Variants in KDM5B observed in about 807,000 individuals in gnomAD.
The protein encoded by KDM5B is lysine-specific demethylase 5B.
Under a neutral mutation model 193.4 loss-of-function variants are expected in KDM5B, and 144 were observed. That is an observed-to-expected ratio of 0.74 (90% CI 0.65 to 0.86). KDM5B has a LOEUF of 0.86. KDM5B is among the 40% of genes least tolerant of loss of function. The pLI, the probability that KDM5B is intolerant of heterozygous loss-of-function variation, is 0.00. For synonymous variants in KDM5B, 668 were observed against 682.6 expected, an observed-to-expected ratio of 0.98 and a Z score of 0.33; for missense variants, 1,833 against 1,886.9, an observed-to-expected ratio of 0.97 and a Z score of 0.53.
Position 202,749,073 on chromosome 1 carries a change from C to A in KDM5B, c.1888G>T (p.Asp630Tyr). 1 of 1,614,130 alleles carries A rather than the reference C, an allele frequency of 6.2e-7. No individual in the cohort carries two copies. Among genetic ancestry groups the A allele is most frequent in the Non-Finnish European group, 8.5e-7 (1 of 1,180,004 alleles). The change falls in exon 14 of 27, where the codon GAT (aspartate) becomes TAT (tyrosine). Residue 630 changes from aspartate (D) to tyrosine (Y), a missense_variant. By Grantham distance (160) the Asp-to-Tyr change is radical (BLOSUM62 -3). This residue lies in a region of KDM5B where 1,379 missense variants were observed against 1,349.6 expected (regional missense o/e 1.02). Transcript: ENST00000367265. ...GAAGCCATCTTGCAGATCATCTCAT[C>A]GTGGGAAAACACACAATATCGATGA... The part of the protein sequence containing the change: ...LLHRYCVFSH[D>Y]EMICKMASKA...
chr1:202,807,247 G>C (rs1658334280), intron 1 of KDM5B: 1 of 152,194 alleles, frequency 6.6e-6, no homozygotes, highest in South Asian at 2.1e-4. Context: ...CACCAGCACA[G>C]CCCAGGCCTC....
chr1:202,746,257 A>G lies in KDM5B; in HGVS notation c.2083T>C (p.Cys695Arg). The part of the protein sequence containing the change: ...LPDDERQCVK[C>R]KTTCFMSAIS... Reference sequence around the variant, plus strand: ...GCAGACATGAAGCATGTAGTTTTGCATTTTACACACTGACGTTCATCATCT... The same window carrying G: ...GCAGACATGAAGCATGTAGTTTTGCGTTTTACACACTGACGTTCATCATCT... Residue 695 changes from cysteine (C) to arginine (R), a missense_variant, in exon 15 of 27, where the codon TGC (cysteine) becomes CGC (arginine). Cys to Arg is a radical substitution (Grantham distance 180). Around this residue, in one of 3 missense-constraint regions of KDM5B, gnomAD observed 1,379 missense variants for 1,349.6 expected, o/e 1.02. Coordinates refer to ENST00000367265, the MANE Select transcript of KDM5B (RefSeq NM_006618.5). 1 of 1,613,732 alleles carries G rather than the reference A, an allele frequency of 6.2e-7. No homozygotes were observed.
intron 3 of KDM5B, 110 bp from the exon 4 acceptor site, chr1:202,773,398 T>C: frequency 4.8e-6 from 4 of 828,266 alleles, no homozygotes; most frequent in Admixed American, 2.5e-5. Context: ...TTTAAAAACA[T>C]GTTTTGCCAA....
In KDM5B at chr1:202,775,873, A is replaced by AT. The variant is rs1378977083; in HGVS notation, c.283-1139_283-1138insA. On this transcript the variant is annotated intron_variant, in intron 2 of 26. Coordinates refer to ENST00000367265, the MANE Select transcript of KDM5B (RefSeq NM_006618.5). The stretch of plus-strand genomic sequence containing the variant: ...TCTTGTCTCAAAAAAAAAAAAAAAA[A>AT]AAAAAAATATATATATATATATATA... Among the ~76,000 whole-genome samples, 432 of 127,584 alleles carry AT rather than the reference A, an allele frequency of 3.4e-3. 1 individual carries two copies. The highest frequency in any genetic ancestry group is 0.012 in the African/African-American group (420 of 34,844). 83.7% of individuals were successfully genotyped at this position (127,584 alleles called of 152,430 possible). A position where few individuals can be genotyped will look rare whatever the true frequency, so the allele number is the denominator to read the frequency against.
intron 13 of KDM5B, among the ~76,000 whole-genome samples, chr1:202,749,752 A>G (rs1229690431): frequency 6.6e-6 from 1 of 152,122 alleles, no homozygotes; most frequent in Non-Finnish European, 1.5e-5. Flanking sequence ...ATGACCTTAT[A>G]TATTTCCTGA....
At chr1:202,766,869 A>G in intron 5 of KDM5B, 57 bp downstream of exon 5, 1 of 1,500,528 alleles carries the variant, frequency 6.7e-7, no homozygotes, top group Non-Finnish European at 8.9e-7. Flanking sequence ...AGTGCCAGAC[A>G]GCCATTGGTA....
At chr1:202,762,560 T>C in intron 7 of KDM5B, 139 bp downstream of exon 7, 1 of 651,384 alleles carries the variant, frequency 1.5e-6, no homozygotes, top group Non-Finnish European at 2.8e-6. Context: ...TCAGAAGATA[T>C]TTTTATTGTC....
intron 4 of KDM5B, among the ~76,000 whole-genome samples, chr1:202,767,737 T>C (rs1221937477): frequency 6.6e-6 from 1 of 152,170 alleles, no homozygotes; most frequent in Non-Finnish European, 1.5e-5. Flanking sequence ...GCTTTGATTT[T>C]TCATTGCTGA....
intron 12 of KDM5B, 27 bp downstream of exon 12, chr1:202,752,878 T>C: frequency 6.3e-7 from 1 of 1,585,878 alleles, no homozygotes; most frequent in Non-Finnish European, 8.6e-7. Context: ...TAAGCTTGAG[T>C]GGCAGGAGGA....
intron 1 of KDM5B, among the ~76,000 whole-genome samples, chr1:202,807,557 C>T (rs1051947210): frequency 1.3e-5 from 2 of 152,020 alleles, no homozygotes; most frequent in African/African-American, 4.8e-5. Flanking sequence ...AGGGCCGCTC[C>T]GGGCCGACGC....
intron 25 of KDM5B, 105 bp from the exon 26 acceptor site, chr1:202,730,132 A>C: frequency 1.0e-6 from 1 of 998,866 alleles, no homozygotes; most frequent in East Asian, 2.6e-5. Context: ...TGATCCCCCA[A>C]TCTACACGGG....
At chr1:202,767,258 C>G in intron 4 of KDM5B, 198 bp from the exon 5 acceptor site, 1 of 1,600,284 alleles carries the variant, frequency 6.2e-7, no homozygotes, top group Non-Finnish European at 8.6e-7. Flanking sequence ...TGTCTTACTA[C>G]AAGGAAGGGT....
Position 202,791,706 on chromosome 1 carries a change from T to C in KDM5B, c.205-14612A>G, listed in dbSNP as rs375912032. ...TCTTTCTCACCAGTCAATTATGAGT[T>C]CCTTTATTTATTTTTTAAATTTATT... On this transcript the variant is annotated intron_variant, in intron 1 of 26. Coordinates refer to ENST00000367265, the MANE Select transcript of KDM5B (RefSeq NM_006618.5). 1.1e-4 allele frequency among the ~76,000 whole-genome samples: 17 copies of C among 152,280 alleles called. 1 individual carries two copies. The highest frequency in any genetic ancestry group is 6.5e-4 in the Admixed American group (10 of 15,270).
At position 202,764,083 on chromosome 1, in the gene KDM5B, A is replaced by G; in HGVS notation, c.774T>C (p.Arg258=). 1.3e-6 allele frequency: 2 copies of G among 1,584,798 alleles called. No homozygotes were observed. The highest frequency in any genetic ancestry group is 1.7e-6 in the Non-Finnish European group (2 of 1,167,580). The change falls in exon 6 of 27, where the codon CGT becomes CGC. Residue 258 remains arginine (R), a synonymous_variant. Transcript: ENST00000367265. Reference sequence around the variant, plus strand: ...ATTTTGGAGTTGGACAACCCATTCGACGTCTCAGATTATGAGTTCTGGCTT... The same window carrying G: ...ATTTTGGAGTTGGACAACCCATTCGGCGTCTCAGATTATGAGTTCTGGCTT... The part of the protein sequence containing the change: ...TTEARTHNLR[R]RMGCPTPKCE...
intron 4 of KDM5B, among the ~76,000 whole-genome samples, chr1:202,771,398 A>T (rs1329737573): frequency 2.9e-5 from 4 of 139,732 alleles, no homozygotes; most frequent in Admixed American, 1.5e-4. Flanking sequence ...CATCCAGCTA[A>T]TTTTTTTTTT....
At chr1:202,743,439 T>C (rs1046632662) in intron 16 of KDM5B, among the ~76,000 whole-genome samples, 3 of 152,142 alleles carry the variant, frequency 2.0e-5, no homozygotes, top group Non-Finnish European at 4.4e-5. Context: ...TAAATCTTAT[T>C]GTGGCTTGAA....
At chr1:202,779,258 C>T (rs1487937604) in intron 1 of KDM5B, among the ~76,000 whole-genome samples, 5 of 152,060 alleles carry the variant, frequency 3.3e-5, no homozygotes, top group Non-Finnish European at 5.9e-5. Context: ...CGGTGACTCA[C>T]GCCTGTAATC....
Position 202,802,508 on chromosome 1 carries a change from T to C in KDM5B, c.204+5594A>G, listed in dbSNP as rs567852791. Among the ~76,000 whole-genome samples, 3 of 152,270 alleles carry C rather than the reference T, an allele frequency of 2.0e-5. No homozygotes were observed. The East Asian group carries it at 5.8e-4, about 29-fold the overall frequency. On this transcript the variant is annotated intron_variant, in intron 1 of 26. Transcript: ENST00000367265. ...CCTGGGTTCAAGCAATTCTCCTGCC[T>C]CAGCCTCCCGAGTAGCTGGGATTGC... is the stretch of plus-strand genomic sequence containing the variant.
chr1:202,757,165 GT>G (rs1311684108), intron 9 of KDM5B, among the ~76,000 whole-genome samples: 4 of 152,112 alleles, frequency 2.6e-5, no homozygotes, highest in Non-Finnish European at 5.9e-5. Context: ...TCACAATAGG[GT>G]TTGCCCTCCT....
Sources: allele counts gnomAD v4.1 joint callset (sites outside exome capture counted in the v4.1 genomes callset), GRCh38; gene constraint gnomAD v4.1.1; regional missense constraint gnomAD v4.1.1; transcripts MANE v1.5; gene names NCBI Gene and HGNC (gene_info 2026-07-23, HGNC 2026-07-21).